BTAF1: variants seen among roughly 807,000 people sequenced by gnomAD.
The protein encoded by BTAF1 is B-TFIID TATA-box binding protein associated factor 1, also known as TATA-binding protein-associated factor 172.
In BTAF1, 38 loss-of-function variants were observed where a neutral mutation model predicts 227.1. The ratio of observed to expected loss-of-function variants is 0.17; its 90% CI spans 0.13 to 0.22. The LOEUF (loss-of-function observed/expected upper bound fraction) is 0.22. Among genes scored for constraint, BTAF1 ranks in the 10% least tolerant of loss-of-function variants. The pLI is 1.00. For synonymous variants in BTAF1, 742 were observed against 751.9 expected (o/e 0.99, Z 0.21); for missense variants, 1,598 against 2,204.0 (o/e 0.73, Z 5.51).
chr10:91,980,636 G>GT (rs1381545740), intron 15 of BTAF1, 78 bp downstream of exon 15: 9 of 1,110,176 alleles, frequency 8.1e-6, no homozygotes, highest in Non-Finnish European at 9.4e-6. Flanking sequence ...TTGCTGTTCT[G>GT]TTGGTCATTC....
chr10:91,923,845 G>T lies in BTAF1; in HGVS notation c.-232G>T. 1 of 455,616 alleles carries T rather than the reference G, an allele frequency of 2.2e-6. No homozygotes were observed. Among genetic ancestry groups the T allele is most frequent in the Non-Finnish European group, 3.9e-6 (1 of 258,002 alleles). The allele number at this position is 455,616 out of a possible 1,614,324, so 28.2% of individuals were successfully genotyped here. A position where few individuals can be genotyped will look rare whatever the true frequency, so the allele number is the denominator to read the frequency against. On this transcript the variant is annotated 5_prime_UTR_variant, in exon 1 of 38. Transcript: ENST00000265990. ...CGGTTTGAAGTCGTGCGGGTCGGAG[G>T]ACTGCCGCCTCCGCTACCGTCTTGG...
At chr10:92,024,474 C>A (rs1023166733) in intron 34 of BTAF1, among the ~76,000 whole-genome samples, 1 of 151,916 alleles carries the variant, frequency 6.6e-6, no homozygotes, top group Non-Finnish European at 1.5e-5. Flanking sequence ...CACTTGAGCT[C>A]AGGAGTTCAA....
At position 92,009,285 on chromosome 10, in the gene BTAF1, G is replaced by C; in HGVS notation, c.4103+77G>C. 3 of 1,453,946 alleles carry C rather than the reference G, an allele frequency of 2.1e-6. No individual in the cohort carries two copies. The South Asian group carries it at 3.9e-5, about 19-fold the overall frequency. The allele number at this position is 1,453,946 out of a possible 1,614,324, so 90.1% of individuals were successfully genotyped here. ...ATAAGGAACAGTAACATTTATTAAA[G>C]TGAATTCTAATTAGCTCTTTTGGTT... On this transcript the variant is annotated intron_variant, in intron 28 of 37. Transcript: ENST00000265990.
At chr10:91,963,698 T>TA (rs1846687449) in intron 12 of BTAF1, among the ~76,000 whole-genome samples, 2 of 152,218 alleles carry the variant, frequency 1.3e-5, no homozygotes, top group Non-Finnish European at 2.9e-5. Context: ...AAATTTTTTT[T>TA]ATGATGATTA....
intron 20 of BTAF1, among the ~76,000 whole-genome samples, chr10:91,990,724 C>T (rs1249073789): frequency 2.0e-5 from 3 of 151,890 alleles, no homozygotes; most frequent in Non-Finnish European, 2.9e-5. Context: ...ACCTGGGAGG[C>T]GGAGGTTGCG....
chr10:91,928,326 T>G (rs1419016273), intron 1 of BTAF1, among the ~76,000 whole-genome samples: 1 of 152,214 alleles, frequency 6.6e-6, no homozygotes, highest in African/African-American at 2.4e-5. Context: ...AAAATAACTT[T>G]GTTACTCTCT....
At position 91,924,108 on chromosome 10, in the gene BTAF1, C is replaced by A. The variant is rs758348598; in HGVS notation, c.14+18C>A. On this transcript the variant is annotated intron_variant, in intron 1 of 37. Transcript: ENST00000265990. ...GTCTCCAGGTGGGTCTTGCTCCTGACGAGCAAACTGGAAGGCGATTCAGGG... is the reference window on the plus strand; with the variant it reads ...GTCTCCAGGTGGGTCTTGCTCCTGAAGAGCAAACTGGAAGGCGATTCAGGG... The A allele has an allele frequency of 1.9e-6, 3 of 1,606,282 alleles. No individual in the cohort carries two copies. The highest frequency in any genetic ancestry group is 2.5e-6 in the Non-Finnish European group (3 of 1,177,222).
chr10:91,993,786 G>A lies in BTAF1; in HGVS notation c.3138G>A (p.Leu1046=). 1 of 1,608,866 alleles carries A rather than the reference G, an allele frequency of 6.2e-7. No individual in the cohort carries two copies. The highest frequency in any genetic ancestry group is 8.5e-7 in the Non-Finnish European group (1 of 1,176,828). ...KHFGGEMAVK[L]PHLWDAMVGP... is the part of the protein sequence containing the mutation. ...TTGGTGGTGAAATGGCAGTGAAGTT[G>A]CCACATCTCTGGGATGCTATGGTTG... Residue 1046 remains leucine (L), a synonymous_variant, in exon 22 of 38, where the codon TTG becomes TTA. Transcript: ENST00000265990.
At position 91,984,207 on chromosome 10, in the gene BTAF1, A is replaced by G. The variant is rs770556927; in HGVS notation, c.2230A>G (p.Lys744Glu). The change falls in exon 19 of 38, where the codon AAA becomes GAA. Residue 744 changes from lysine to glutamate, a missense_variant. Around this residue, in one of 10 missense-constraint regions of BTAF1, gnomAD observed 318 missense variants for 435.0 expected, o/e 0.73. Transcript: ENST00000265990. ...CEWAALQKEC[K>E]AVTLAVQPRL... is the part of the protein sequence containing the mutation. ...GTTTTCTGTTGTATTTTAGGAGTGT[A>G]AAGCTGTTACCTTAGCTGTGCAGCC... is the stretch of plus-strand genomic sequence containing the variant. 1.9e-5 allele frequency: 30 copies of G among 1,613,546 alleles called. No homozygotes were observed. The highest frequency in any genetic ancestry group is 5.0e-5 in the Admixed American group (3 of 59,980).
chr10:91,956,447 A>G, intron 6 of BTAF1, 81 bp from the exon 7 acceptor site: 1 of 1,397,574 alleles, frequency 7.2e-7, no homozygotes, highest in Non-Finnish European at 9.6e-7. Flanking sequence ...ATTGTGATTC[A>G]CATTATCTTT....
intron 25 of BTAF1, among the ~76,000 whole-genome samples, chr10:92,002,785 C>T (rs957770221): frequency 6.6e-6 from 1 of 151,978 alleles, no homozygotes; most frequent in African/African-American, 2.4e-5. Flanking sequence ...TTTTAAATTT[C>T]TTAAGTTGAG....
chr10:91,943,496 A>AGTTT (rs1845152762), intron 4 of BTAF1, among the ~76,000 whole-genome samples: 1 of 152,204 alleles, frequency 6.6e-6, no homozygotes, highest in African/African-American at 2.4e-5. Context: ...TAAAAAACAA[A>AGTTT]ACAGAATAAC....
At chr10:91,958,563 G>T (rs576042836) in intron 8 of BTAF1, among the ~76,000 whole-genome samples, 1 of 152,046 alleles carries the variant, frequency 6.6e-6, no homozygotes, top group Non-Finnish European at 1.5e-5. Flanking sequence ...CTAGCCGGGC[G>T]TGGTGGCGGG....
intron 28 of BTAF1, among the ~76,000 whole-genome samples, chr10:92,010,295 G>C (rs929009894): frequency 6.6e-6 from 1 of 152,136 alleles, no homozygotes; most frequent in Admixed American, 6.5e-5. Context: ...TTACTATAGT[G>C]CCTCTTTGAT....
intron 4 of BTAF1, among the ~76,000 whole-genome samples, chr10:91,943,505 A>G (rs1845153631): frequency 6.6e-6 from 1 of 152,194 alleles, no homozygotes; most frequent in African/African-American, 2.4e-5. Context: ...AAACAGAATA[A>G]CACTCTGTTG....
intron 4 of BTAF1, among the ~76,000 whole-genome samples, chr10:91,944,648 C>T (rs1490405675): frequency 6.6e-6 from 1 of 152,186 alleles, no homozygotes; most frequent in African/African-American, 2.4e-5. Context: ...GTAACTATCA[C>T]CACAATTTTA....
chr10:92,023,808 A>C (rs1199212443), intron 34 of BTAF1, among the ~76,000 whole-genome samples: 2 of 151,920 alleles, frequency 1.3e-5, no homozygotes, highest in African/African-American at 4.8e-5. Context: ...GCTGTTTTGC[A>C]TTTTTAGTAG....
intron 8 of BTAF1, 46 bp downstream of exon 8, chr10:91,957,339 T>G: frequency 6.7e-7 from 1 of 1,483,250 alleles, no homozygotes; most frequent in Non-Finnish European, 9.4e-7. Context: ...TTTTCTGTGC[T>G]AATGAAGGGA....
intron 1 of BTAF1, among the ~76,000 whole-genome samples, chr10:91,932,002 C>G (rs1160827802): frequency 6.6e-6 from 1 of 152,172 alleles, no homozygotes; most frequent in Non-Finnish European, 1.5e-5. Flanking sequence ...AGCTGATCTG[C>G]TACCCTCAGG....
Sources: gnomAD v4.1 joint callset for allele counts (sites outside exome capture counted in the v4.1 genomes callset) on GRCh38, gnomAD v4.1.1 for gene constraint, gnomAD v4.1.1 regional missense constraint, MANE v1.5 for transcripts, NCBI Gene and HGNC (gene_info 2026-07-23, HGNC 2026-07-21) for gene names.